MIR2052HG: variants seen among roughly 807,000 people sequenced by gnomAD.
MIR2052HG encodes MIR2052 host gene.
chr8:74,682,685 G>T lies in MIR2052HG; in HGVS notation n.217-19694G>T, dbSNP rs2128739217. 1.3e-5 allele frequency among the ~76,000 whole-genome samples: 2 copies of T among 152,264 alleles called. 1 individual carries two copies. Among genetic ancestry groups the T allele is most frequent in the South Asian group, 4.1e-4 (2 of 4,828 alleles). On this transcript the variant is annotated intron_variant and non_coding_transcript_variant, in intron 2 of 6. Transcript: ENST00000523442. ...GTGTTTTGAGTGCTCCAATGTTGCT[G>T]TGGGAAACTATATGGTGCAACCACT... is the stretch of plus-strand genomic sequence containing the variant.
At chr8:74,668,027 A>G (rs888335937) in intron 2 of MIR2052HG, among the ~76,000 whole-genome samples, 2 of 132,538 alleles carry the variant, frequency 1.5e-5, no homozygotes, top group Non-Finnish European at 3.1e-5. Context: ...ACTGGAATGG[A>G]AAAAAAAAAA....
chr8:74,717,799 C>T (rs1240962833), intron 4 of MIR2052HG, among the ~76,000 whole-genome samples: 2 of 150,432 alleles, frequency 1.3e-5, no homozygotes, highest in Admixed American at 6.6e-5. Context: ...CAGAGTGAGA[C>T]CCTGTCTCAA....
intron 4 of MIR2052HG, among the ~76,000 whole-genome samples, chr8:74,716,017 G>C (rs183571697): frequency 1.3e-5 from 2 of 152,172 alleles, no homozygotes; most frequent in African/African-American, 4.8e-5. Context: ...GCAAATGGTC[G>C]TTTGCAAAGA....
intron 2 of MIR2052HG, among the ~76,000 whole-genome samples, chr8:74,618,238 C>A (rs1808312482): frequency 6.6e-6 from 1 of 152,208 alleles, no homozygotes; most frequent in Non-Finnish European, 1.5e-5. Context: ...ACCTGCTCAC[C>A]ATTTTCCGTC....
At chr8:74,626,442 T>C (rs1390978311) in intron 2 of MIR2052HG, among the ~76,000 whole-genome samples, 1 of 152,192 alleles carries the variant, frequency 6.6e-6, no homozygotes, top group African/African-American at 2.4e-5. Flanking sequence ...TAGTACCTTC[T>C]CTGTGGATGG....
chr8:74,713,705 G>A (rs924030838), intron 4 of MIR2052HG, among the ~76,000 whole-genome samples: 10 of 151,604 alleles, frequency 6.6e-5, no homozygotes, highest in Non-Finnish European at 1.0e-4. Context: ...AATGAGGACA[G>A]ATTTTTTTGG....
At chr8:74,746,143 C>T (rs139384654) in intron 4 of MIR2052HG, among the ~76,000 whole-genome samples, 2 of 152,138 alleles carry the variant, frequency 1.3e-5, no homozygotes, top group African/African-American at 2.4e-5. Context: ...TAGATTCTCT[C>T]AATCACTCGC....
intron 2 of MIR2052HG, among the ~76,000 whole-genome samples, chr8:74,636,504 C>T (rs1162824989): frequency 1.6e-4 from 25 of 152,056 alleles, no homozygotes; most frequent in Non-Finnish European, 1.5e-5. Context: ...GCTCAAAGCG[C>T]GAATCCAAGA....
intron 2 of MIR2052HG, among the ~76,000 whole-genome samples, chr8:74,664,533 T>C (rs918977806): frequency 6.6e-6 from 1 of 152,218 alleles, no homozygotes; most frequent in African/African-American, 2.4e-5. Flanking sequence ...TTTTTATTTT[T>C]TGAGGCAGAA....
chr8:74,603,267 T>C, intron 1 of MIR2052HG: 1 of 1,506,106 alleles, frequency 6.6e-7, no homozygotes, highest in Non-Finnish European at 9.2e-7. Context: ...AGAAAGGGAT[T>C]GTGGATAAAT....
chr8:74,743,164 C>T (rs1032822009), intron 4 of MIR2052HG, among the ~76,000 whole-genome samples: 2 of 151,398 alleles, frequency 1.3e-5, no homozygotes, highest in African/African-American at 2.4e-5. Context: ...CAAATGTGAA[C>T]AGACTAAAAA....
chr8:74,702,058 A>T (rs1248367135), intron 2 of MIR2052HG, among the ~76,000 whole-genome samples: 2 of 152,088 alleles, frequency 1.3e-5, no homozygotes, highest in African/African-American at 4.8e-5. Flanking sequence ...CTTCTAATGG[A>T]AATAAGTAAA....
At chr8:74,644,609 C>A (rs557923931) in intron 2 of MIR2052HG, among the ~76,000 whole-genome samples, 1 of 152,116 alleles carries the variant, frequency 6.6e-6, no homozygotes, top group South Asian at 2.1e-4. Context: ...AACCACTTGT[C>A]ACCGGGCACA....
chr8:74,603,982 G>T (rs754836138), intron 1 of MIR2052HG: 4 of 964,780 alleles, frequency 4.1e-6, no homozygotes, highest in Non-Finnish European at 6.8e-6. Context: ...TGTGCTACTG[G>T]TCATAGAGCT....
chr8:74,700,946 G>T (rs2128740821), intron 2 of MIR2052HG, among the ~76,000 whole-genome samples: 1 of 152,196 alleles, frequency 6.6e-6, no homozygotes, highest in South Asian at 2.1e-4. Flanking sequence ...GGAGCTAATA[G>T]TCTATACTAA....
At chr8:74,668,507 T>C (rs1445128302) in intron 2 of MIR2052HG, among the ~76,000 whole-genome samples, 1 of 152,336 alleles carries the variant, frequency 6.6e-6, no homozygotes, top group South Asian at 2.1e-4. Flanking sequence ...AGTTGTAAGA[T>C]ATCATCTGTG....
intron 1 of MIR2052HG, among the ~76,000 whole-genome samples, chr8:74,600,168 A>G (rs1807971774): frequency 6.6e-6 from 1 of 152,140 alleles, no homozygotes; most frequent in Non-Finnish European, 1.5e-5. Context: ...TCAGTTGGAA[A>G]TGCAGAAATC....
intron 1 of MIR2052HG, among the ~76,000 whole-genome samples, chr8:74,609,266 A>C (rs1031992910): frequency 5.3e-5 from 8 of 152,006 alleles, no homozygotes; most frequent in African/African-American, 1.9e-4. Context: ...AGATAACCTG[A>C]ATAGTCCCAT....
intron 1 of MIR2052HG, among the ~76,000 whole-genome samples, chr8:74,612,184 A>G (rs941474386): frequency 4.4e-4 from 67 of 152,136 alleles, no homozygotes; most frequent in African/African-American, 1.5e-3. Flanking sequence ...TGTTCCAGCT[A>G]CCTCTTCTTT....
Sources: gnomAD v4.1 joint callset for allele counts (sites outside exome capture counted in the v4.1 genomes callset) on GRCh38, gnomAD v4.1.1 for gene constraint, MANE v1.5 for transcripts, NCBI Gene and HGNC (gene_info 2026-07-23, HGNC 2026-07-21) for gene names.